The following CTNS variants were observed in gnomAD, a reference collection of about 807,000 sequenced individuals.
CTNS encodes the protein cystinosin, lysosomal cystine transporter.
CTNS carries 27 observed loss-of-function variants against 43.7 expected under a neutral mutation model. The observed-to-expected ratio is 0.62, with a 90% CI of 0.46 to 0.85. The LOEUF (loss-of-function observed/expected upper bound fraction) is 0.85, where lower values mean the gene tolerates loss of function less well. Ranked by LOEUF, CTNS falls within the 40% of genes least tolerant of loss-of-function variation. CTNS has a pLI of 0.00. For synonymous variants in CTNS, 187 were observed against 190.6 expected (o/e 0.98, Z 0.16); for missense variants, 457 against 475.4 (o/e 0.96, Z 0.36).
intron 3 of CTNS, among the ~76,000 whole-genome samples, chr17:3,643,807 T>A (rs1349512379): frequency 6.6e-6 from 1 of 152,162 alleles, no homozygotes; most frequent in Non-Finnish European, 1.5e-5. Context: ...CCTCAAGTGA[T>A]CTGACCGCCT....
chr17:3,648,509 C>A (rs1006086918), intron 4 of CTNS, among the ~76,000 whole-genome samples: 3 of 152,234 alleles, frequency 2.0e-5, no homozygotes, highest in African/African-American at 7.2e-5. Context: ...CTGGCCCTCA[C>A]ACAAGGCCCC....
At position 3,638,528 on chromosome 17, in the gene CTNS, GC is replaced by G. The variant is rs1207636118; in HGVS notation, c.-20+1213del. On this transcript the variant is annotated intron_variant, in intron 2 of 11. Transcript: ENST00000046640. ...GCTGGAATTACACACACGAGCCACT[GC>G]GCTCAGCCTAATCTGATGTTTTTTA... Among the ~76,000 whole-genome samples, 3 of 152,272 alleles carry G rather than the reference GC, an allele frequency of 2.0e-5. No individual in the cohort carries two copies. The East Asian group carries it at 5.8e-4, about 29-fold the overall frequency.
intron 3 of CTNS, 115 bp from the exon 4 acceptor site, chr17:3,647,329 G>A: frequency 1.2e-6 from 1 of 865,052 alleles, no homozygotes; most frequent in East Asian, 2.5e-5. Flanking sequence ...ACAGAATAGG[G>A]CTCGTCAGAG....
At chr17:3,637,831 T>G (rs2075575922) in intron 2 of CTNS, among the ~76,000 whole-genome samples, 1 of 151,706 alleles carries the variant, frequency 6.6e-6, no homozygotes, top group Non-Finnish European at 1.5e-5. Flanking sequence ...TTAAGTCCTG[T>G]GAGGTAGTTA....
At chr17:3,657,006 A>C in intron 9 of CTNS, 1 of 708,834 alleles carries the variant, frequency 1.4e-6, no homozygotes, top group Non-Finnish European at 2.3e-6. Context: ...CAGTGCCTGG[A>C]CTCAGGCTGA....
At chr17:3,640,158 G>C (rs1376891723) in intron 2 of CTNS, 30 bp from the exon 3 acceptor site, 12 of 1,571,168 alleles carry the variant, frequency 7.6e-6, no homozygotes, top group Non-Finnish European at 1.1e-5. Context: ...ACATTCCCCT[G>C]AACTTCTCTC....
intron 3 of CTNS, among the ~76,000 whole-genome samples, chr17:3,646,729 G>A (rs1203065735): frequency 6.6e-6 from 1 of 152,130 alleles, no homozygotes; most frequent in Non-Finnish European, 1.5e-5. Context: ...GAGCCACCAC[G>A]CCCAGCCCCA....
At chr17:3,654,667 C>G (rs1166687167) in intron 5 of CTNS, among the ~76,000 whole-genome samples, 1 of 132,994 alleles carries the variant, frequency 7.5e-6, no homozygotes, top group Non-Finnish European at 1.6e-5. Flanking sequence ...GGTGACAGAG[C>G]GAGACTCCGT....
chr17:3,659,152 G>A lies in CTNS; in HGVS notation c.853-706G>A, dbSNP rs573893209. Reference sequence around the variant, plus strand: ...GGACACAGACAGGGACTGACTAGAGGCTCACTGGGAGGCCACCAGAGAGGC... The same window carrying A: ...GGACACAGACAGGGACTGACTAGAGACTCACTGGGAGGCCACCAGAGAGGC... On this transcript the variant is annotated intron_variant, in intron 10 of 11. Transcript: ENST00000046640. 4.0e-5 allele frequency among the ~76,000 whole-genome samples: 6 copies of A among 151,878 alleles called. No homozygotes were observed. In the South Asian group the frequency reaches 6.2e-4, roughly 16 times the overall value.
At chr17:3,656,845 C>G (rs753058855) in intron 9 of CTNS, 50 bp downstream of exon 9, 10 of 1,610,312 alleles carry the variant, frequency 6.2e-6, no homozygotes, top group Non-Finnish European at 7.6e-6. Flanking sequence ...ACACCCGCCA[C>G]CCCACCTCAC....
intron 10 of CTNS, among the ~76,000 whole-genome samples, chr17:3,659,441 A>G (rs1184501242): frequency 6.6e-6 from 1 of 152,212 alleles, no homozygotes; most frequent in African/African-American, 2.4e-5. Flanking sequence ...CCAAACCAGA[A>G]GTCCCACTCC....
At chr17:3,637,661 T>G (rs1330126613) in intron 2 of CTNS, among the ~76,000 whole-genome samples, 1 of 151,952 alleles carries the variant, frequency 6.6e-6, no homozygotes, top group South Asian at 2.1e-4. Flanking sequence ...GAGATGGGGA[T>G]TCACCATGTT....
chr17:3,653,306 A>G lies in CTNS; in HGVS notation c.226-1692A>G, dbSNP rs141398335. On this transcript the variant is annotated intron_variant, in intron 5 of 11. Coordinates refer to ENST00000046640, the MANE Select transcript of CTNS (RefSeq NM_004937.3). ...TGGGCACCTGTAATCCCAACTACTCAGGAGGCTGAGGCAGGAGAATCACTT... is the reference window on the plus strand; with the variant it reads ...TGGGCACCTGTAATCCCAACTACTCGGGAGGCTGAGGCAGGAGAATCACTT... Among the ~76,000 whole-genome samples, 1,183 of 152,290 alleles carry G rather than the reference A, an allele frequency of 7.8e-3. 12 individuals carry two copies. The highest frequency in any genetic ancestry group is 0.027 in the African/African-American group (1,124 of 41,578).
Position 3,660,932 on chromosome 17 carries a change from G to T in CTNS, c.*563G>T. On this transcript the variant is annotated 3_prime_UTR_variant, in exon 12 of 12. Coordinates refer to ENST00000046640, the MANE Select transcript of CTNS (RefSeq NM_004937.3). ...ACATAACTCAGCGTCCGTGACTGCA[G>T]TAACAGCCAGCCCTACCCAGAGTAT... 1.3e-6 allele frequency: 1 copy of T among 768,514 alleles called. No individual in the cohort carries two copies. The highest frequency in any genetic ancestry group is 1.7e-5 in the South Asian group (1 of 59,066). 47.6% of individuals were successfully genotyped at this position (768,514 alleles called of 1,614,324 possible).
chr17:3,644,560 G>A (rs1260621092), intron 3 of CTNS, among the ~76,000 whole-genome samples: 3 of 152,184 alleles, frequency 2.0e-5, no homozygotes, highest in Non-Finnish European at 4.4e-5. Flanking sequence ...CGCTTCCTGG[G>A]TTCAAGTGAT....
In CTNS at chr17:3,660,582, C is replaced by T. The variant is rs368625442; in HGVS notation, c.*213C>T. ...GGCCTCCCCGGCCAGGCACGTGGCA[C>T]CGTCGCCTTGACACCGCCATCTCTT... On this transcript the variant is annotated 3_prime_UTR_variant, in exon 12 of 12. Transcript: ENST00000046640. 6.2e-6 allele frequency: 10 copies of T among 1,613,114 alleles called. No homozygotes were observed. Among genetic ancestry groups the T allele is most frequent in the East Asian group, 4.5e-5 (2 of 44,890 alleles).
intron 2 of CTNS, among the ~76,000 whole-genome samples, chr17:3,639,253 G>A (rs963567438): frequency 8.7e-4 from 133 of 152,090 alleles, no homozygotes; most frequent in African/African-American, 3.1e-3. Flanking sequence ...GCTGTGTCTT[G>A]GGTTTACAGG....
Position 3,660,504 on chromosome 17 carries a change from G to A in CTNS, c.*135G>A. ...GTGTGCGGACAGAGGAGACCACTCT[G>A]CTCCTGGGGCCAGAGGCCATTCAAT... On this transcript the variant is annotated 3_prime_UTR_variant, in exon 12 of 12. Transcript: ENST00000046640. The A allele has an allele frequency of 6.2e-7, 1 of 1,612,442 alleles. No individual in the cohort carries two copies. The highest frequency in any genetic ancestry group is 8.5e-7 in the Non-Finnish European group (1 of 1,179,940).
chr17:3,644,347 T>C (rs2075796787), intron 3 of CTNS, among the ~76,000 whole-genome samples: 1 of 152,258 alleles, frequency 6.6e-6, no homozygotes. Context: ...TGCGTGACTT[T>C]GGAGCCCAAT....
Sources: gnomAD v4.1 joint callset for allele counts (sites outside exome capture counted in the v4.1 genomes callset) on GRCh38, gnomAD v4.1.1 for gene constraint, MANE v1.5 for transcripts, NCBI Gene and HGNC (gene_info 2026-07-23, HGNC 2026-07-21) for gene names.